Variants in ULK4 observed in about 807,000 individuals in gnomAD.
The protein encoded by ULK4 is inactive serine/threonine-protein kinase ULK4.
Under a neutral mutation model 160.6 loss-of-function variants are expected in ULK4, and 133 were observed. The ratio of observed to expected loss-of-function variants is 0.83; its 90% CI spans 0.72 to 0.96. ULK4 has a LOEUF of 0.96. ULK4 is among the 40% of genes least tolerant of loss of function. ULK4 has a pLI of 0.00. For missense variants in ULK4, 1,580 were observed against 1,499.5 expected (o/e 1.05, Z -0.89); for synonymous variants, 534 against 539.8 (o/e 0.99, Z 0.15).
intron 35 of ULK4, among the ~76,000 whole-genome samples, chr3:41,376,886 T>C (rs2081511609): frequency 6.7e-6 from 1 of 149,646 alleles, no homozygotes; most frequent in African/African-American, 2.5e-5. Flanking sequence ...TTCAAGTTCA[T>C]ATGGAACCAA....
At chr3:41,540,102 G>T (rs914051179) in intron 32 of ULK4, among the ~76,000 whole-genome samples, 5 of 151,936 alleles carry the variant, frequency 3.3e-5, no homozygotes, top group Non-Finnish European at 1.5e-5. Context: ...TAAGTTCTGG[G>T]GTACAAGTGC....
chr3:41,487,701 G>C (rs2084591349), intron 32 of ULK4, among the ~76,000 whole-genome samples: 2 of 152,066 alleles, frequency 1.3e-5, no homozygotes, highest in Admixed American at 1.3e-4. Flanking sequence ...GCCAGAATAA[G>C]GCTCTAAATA....
intron 31 of ULK4, among the ~76,000 whole-genome samples, chr3:41,592,277 G>A (rs375049402): frequency 4.0e-5 from 6 of 151,368 alleles, no homozygotes; most frequent in Admixed American, 2.6e-4. Flanking sequence ...TTAGAGAGCC[G>A]AGTGAAATAC....
At chr3:41,453,909 C>T (rs1259198578) in intron 34 of ULK4, among the ~76,000 whole-genome samples, 1 of 150,838 alleles carries the variant, frequency 6.6e-6, no homozygotes, top group African/African-American at 2.4e-5. Context: ...CCATCATTCT[C>T]AGCAAACTAT....
rs1034491686 is a variant in ULK4, at chr3:41,676,666, A to G, written c.2978+4842T>C. The stretch of plus-strand genomic sequence containing the variant: ...CTGTAAAAAGGCAGAGGCTATCCCT[A>G]TCTTGGTTATTAATATTTCCAACAA... On this transcript the variant is annotated intron_variant, in intron 29 of 36. Transcript: ENST00000301831. Among the ~76,000 whole-genome samples the G allele has an allele frequency of 2.0e-5, 3 of 152,148 alleles. No homozygotes were observed. The South Asian group carries it at 6.2e-4, about 32-fold the overall frequency.
chr3:41,398,319 C>A (rs75512745), intron 34 of ULK4, 55 bp from the exon 35 acceptor site: 2 of 1,549,554 alleles, frequency 1.3e-6, no homozygotes, highest in African/African-American at 1.4e-5. Context: ...TATTAGTACT[C>A]AAAAAAAACA....
At chr3:41,415,123 C>T (rs774750429) in intron 34 of ULK4, among the ~76,000 whole-genome samples, 1 of 152,162 alleles carries the variant, frequency 6.6e-6, no homozygotes, top group Non-Finnish European at 1.5e-5. Context: ...ATGTCAATAA[C>T]AAAAGAAGCG....
chr3:41,832,433 G>A (rs1041577168), intron 18 of ULK4, among the ~76,000 whole-genome samples: 7 of 151,956 alleles, frequency 4.6e-5, no homozygotes, highest in Admixed American at 2.0e-4. Flanking sequence ...TAGATTCTGG[G>A]TATTAGACCT....
chr3:41,492,459 G>C (rs981854089), intron 32 of ULK4, among the ~76,000 whole-genome samples: 1 of 151,128 alleles, frequency 6.6e-6, no homozygotes, highest in Non-Finnish European at 1.5e-5. Flanking sequence ...ACCGGTACCA[G>C]CCACTGCAAA....
chr3:41,678,224 A>G (rs2035800060), intron 29 of ULK4, among the ~76,000 whole-genome samples: 1 of 149,890 alleles, frequency 6.7e-6, no homozygotes, highest in Admixed American at 6.6e-5. Context: ...ACACACACAC[A>G]CAGAGCTCCT....
intron 31 of ULK4, among the ~76,000 whole-genome samples, chr3:41,580,188 G>A (rs903819084): frequency 3.9e-5 from 6 of 152,120 alleles, no homozygotes; most frequent in African/African-American, 1.4e-4. Flanking sequence ...CAGACAAGCG[G>A]CTGTCATGAG....
At chr3:41,891,723 C>T (rs1462827636) in intron 16 of ULK4, among the ~76,000 whole-genome samples, 3 of 151,984 alleles carry the variant, frequency 2.0e-5, no homozygotes, top group Non-Finnish European at 2.9e-5. Flanking sequence ...CTGGCCAACA[C>T]GGTAAAACCT....
chr3:41,489,452 T>C (rs1338431766), intron 32 of ULK4, among the ~76,000 whole-genome samples: 1 of 152,144 alleles, frequency 6.6e-6, no homozygotes, highest in African/African-American at 2.4e-5. Context: ...ACTCACTCTT[T>C]CATTCTCTTG....
At chr3:41,793,199 T>C (rs1261558412) in intron 20 of ULK4, among the ~76,000 whole-genome samples, 1 of 137,434 alleles carries the variant, frequency 7.3e-6, no homozygotes, top group Non-Finnish European at 1.6e-5. Flanking sequence ...AAAAAAAAAA[T>C]AGAGTCTGAG....
At chr3:41,417,073 A>G (rs1381201206) in intron 34 of ULK4, among the ~76,000 whole-genome samples, 1 of 152,158 alleles carries the variant, frequency 6.6e-6, no homozygotes, top group Non-Finnish European at 1.5e-5. Context: ...ACTGGGGGCC[A>G]AGGAGTGACC....
chr3:41,779,918 T>G (rs1397968914), intron 21 of ULK4, among the ~76,000 whole-genome samples: 1 of 84,352 alleles, frequency 1.2e-5, no homozygotes, highest in African/African-American at 4.8e-5. Flanking sequence ...CGCACCAGCA[T>G]GGCACATGTA....
At chr3:41,813,136 G>A (rs1466388872) in intron 19 of ULK4, among the ~76,000 whole-genome samples, 1 of 152,120 alleles carries the variant, frequency 6.6e-6, no homozygotes, top group Non-Finnish European at 1.5e-5. Flanking sequence ...GGGGAACAAT[G>A]CATACTGGGG....
At chr3:41,601,629 T>G (rs2032067762) in intron 31 of ULK4, among the ~76,000 whole-genome samples, 1 of 152,080 alleles carries the variant, frequency 6.6e-6, no homozygotes, top group Non-Finnish European at 1.5e-5. Flanking sequence ...TGATATGATG[T>G]GGTAAGAATG....
chr3:41,422,851 A>T (rs1314058221), intron 34 of ULK4, among the ~76,000 whole-genome samples: 1 of 152,228 alleles, frequency 6.6e-6, no homozygotes, highest in Non-Finnish European at 1.5e-5. Flanking sequence ...TAATCAAAGG[A>T]AATTCAGAAG....
Sources: allele counts gnomAD v4.1 joint callset (sites outside exome capture counted in the v4.1 genomes callset), GRCh38; gene constraint gnomAD v4.1.1; transcripts MANE v1.5; gene names NCBI Gene and HGNC (gene_info 2026-07-23, HGNC 2026-07-21).